Variants in RBFOX1 observed in about 807,000 individuals in gnomAD.
RBFOX1 encodes the protein RNA binding protein fox-1 homolog 1.
A neutral mutation model predicts 57.7 loss-of-function variants in RBFOX1; 8 were observed. The observed-to-expected ratio is 0.14, with a 90% CI of 0.08 to 0.25. RBFOX1 has a LOEUF of 0.25. Among genes scored for constraint, RBFOX1 ranks in the 10% least tolerant of loss-of-function variants. RBFOX1 has a pLI of 1.00. For synonymous variants in RBFOX1, 326 were observed against 222.4 expected (o/e 1.47, Z -4.15); for missense variants, 611 against 548.5 (o/e 1.11, Z -1.14).
chr16:7,261,957 G>T (rs985921384), intron 4 of RBFOX1, among the ~76,000 whole-genome samples: 2 of 152,130 alleles, frequency 1.3e-5, no homozygotes, highest in African/African-American at 4.8e-5. Flanking sequence ...GGGGTGGTAG[G>T]GTGGCTGTTG....
Position 6,991,057 on chromosome 16 carries a change from G to A in RBFOX1, c.-15-61000G>A, listed in dbSNP as rs146687793. 2.3e-4 allele frequency among the ~76,000 whole-genome samples: 34 copies of A among 147,752 alleles called. 1 individual carries two copies. Among genetic ancestry groups the A allele is most frequent in the Non-Finnish European group, 4.7e-4 (32 of 67,564 alleles). The stretch of plus-strand genomic sequence containing the variant: ...TGGCTCACACCTGTAATTCCAGTAC[G>A]TTGGGAGGCCAAGGTGGGTGGCCTG... On this transcript the variant is annotated intron_variant, in intron 3 of 15. Coordinates refer to ENST00000550418, the MANE Select transcript of RBFOX1 (RefSeq NM_018723.4).
intron 3 of RBFOX1, among the ~76,000 whole-genome samples, chr16:6,687,840 G>A (rs1257346759): frequency 1.3e-5 from 2 of 152,170 alleles, no homozygotes; most frequent in Non-Finnish European, 2.9e-5. Flanking sequence ...AACTCCAAAG[G>A]AGTCTGGGAA....
chr16:5,936,407 A>T (rs1451382451), intron 4 of RBFOX1, among the ~76,000 whole-genome samples: 1 of 152,184 alleles, frequency 6.6e-6, no homozygotes, highest in Non-Finnish European at 1.5e-5. Flanking sequence ...TACAAGTATG[A>T]GCCACTGCAC....
intron 3 of RBFOX1, among the ~76,000 whole-genome samples, chr16:5,739,337 C>T (rs931821723): frequency 2.0e-5 from 3 of 152,234 alleles, no homozygotes; most frequent in African/African-American, 7.2e-5. Flanking sequence ...TTCTGCGTAG[C>T]AGGCAGTACT....
chr16:5,995,306 A>G (rs13332277), intron 4 of RBFOX1, among the ~76,000 whole-genome samples: 113,028 of 152,044 alleles, frequency 0.74, 42,404 homozygotes, highest in East Asian at 0.83. Context: ...CTTAGAGCCC[A>G]AATCCACATA....
intron 2 of RBFOX1, among the ~76,000 whole-genome samples, chr16:6,564,554 C>G (rs949552776): frequency 1.3e-5 from 2 of 152,036 alleles, no homozygotes; most frequent in African/African-American, 4.8e-5. Flanking sequence ...CACAGAATGA[C>G]AAATACCGCA....
In RBFOX1 at chr16:5,773,164, A is replaced by C. The variant is rs572450885; in HGVS notation, c.319-94139A>C. ...GGTTCAGTGGCTCAACTCCAGTGCT[A>C]TGCTGAAGGTAGACTTCAGGGGATA... On this transcript the variant is annotated intron_variant, in intron 3 of 19. Transcript: ENST00000641259. Among the ~76,000 whole-genome samples the C allele has an allele frequency of 2.0e-5, 3 of 152,326 alleles. No individual in the cohort carries two copies. The East Asian group carries it at 5.8e-4, about 29-fold the overall frequency.
chr16:6,840,399 A>G (rs1028326139), intron 3 of RBFOX1, among the ~76,000 whole-genome samples: 11 of 152,206 alleles, frequency 7.2e-5, no homozygotes, highest in Non-Finnish European at 1.5e-4. Flanking sequence ...CCATTCCTTC[A>G]TTAAATGTTG....
At chr16:6,189,276 A>G (rs893423921) in intron 1 of RBFOX1, among the ~76,000 whole-genome samples, 5 of 152,226 alleles carry the variant, frequency 3.3e-5, no homozygotes, top group African/African-American at 1.2e-4. Flanking sequence ...AGAGCTTACC[A>G]AAGGACTGGA....
intron 3 of RBFOX1, among the ~76,000 whole-genome samples, chr16:6,840,474 T>C (rs886202895): frequency 4.6e-5 from 7 of 152,192 alleles, no homozygotes; most frequent in Non-Finnish European, 8.8e-5. Flanking sequence ...TGAATGTTCA[T>C]GTCCCCCTAA....
In RBFOX1 at chr16:5,829,838, C is replaced by A. The variant is rs183711489; in HGVS notation, c.319-37465C>A. Among the ~76,000 whole-genome samples the A allele has an allele frequency of 1.3e-4, 20 of 152,302 alleles. No homozygotes were observed. The East Asian group carries it at 3.9e-3, about 29-fold the overall frequency. On this transcript the variant is annotated intron_variant, in intron 3 of 19. Coordinates refer to the RBFOX1 transcript ENST00000641259. ...GAGAAATTAGAACCTTTTGGAAAAG[C>A]CCTCAGTCATTCAGAAGGGAAACAA...
chr16:6,509,249 T>C (rs1044801708), intron 2 of RBFOX1, among the ~76,000 whole-genome samples: 1 of 152,194 alleles, frequency 6.6e-6, no homozygotes, highest in Admixed American at 6.5e-5. Flanking sequence ...ATTTTTTTCC[T>C]ATGCGGTTAT....
At chr16:5,916,891 C>G (rs76617574) in intron 4 of RBFOX1, among the ~76,000 whole-genome samples, 5 of 152,110 alleles carry the variant, frequency 3.3e-5, no homozygotes, top group Non-Finnish European at 5.9e-5. Flanking sequence ...TTTCCCAATG[C>G]CTGGGTGACT....
intron 2 of RBFOX1, among the ~76,000 whole-genome samples, chr16:6,503,080 T>C (rs1488810071): frequency 6.6e-6 from 1 of 152,228 alleles, no homozygotes; most frequent in Non-Finnish European, 1.5e-5. Context: ...GATGCATGGA[T>C]ATATTCTCAA....
chr16:5,532,335 C>G (rs943255918), intron 2 of RBFOX1, among the ~76,000 whole-genome samples: 7 of 152,172 alleles, frequency 4.6e-5, no homozygotes, highest in African/African-American at 1.7e-4. Context: ...AACCATTGTT[C>G]TAGATAATAA....
chr16:7,679,075 A>T (rs1156279997), intron 14 of RBFOX1, among the ~76,000 whole-genome samples: 1 of 152,176 alleles, frequency 6.6e-6, no homozygotes, highest in South Asian at 2.1e-4. Flanking sequence ...GCCACATGGT[A>T]TTATTCATTG....
intron 3 of RBFOX1, among the ~76,000 whole-genome samples, chr16:6,873,069 C>A (rs745557122): frequency 2.6e-5 from 4 of 151,284 alleles, no homozygotes; most frequent in Admixed American, 6.6e-5. Context: ...CAAAGCCACC[C>A]AAACTTCTGA....
At chr16:6,002,520 G>C (rs1375826871) in intron 4 of RBFOX1, among the ~76,000 whole-genome samples, 1 of 152,158 alleles carries the variant, frequency 6.6e-6, no homozygotes, top group Non-Finnish European at 1.5e-5. Context: ...CCATGAGTTT[G>C]AATGAAAGGT....
In RBFOX1 at chr16:5,946,746, G is replaced by A. The variant is rs1328590779; in HGVS notation, c.351+79411G>A. Among the ~76,000 whole-genome samples, 3 of 152,150 alleles carry A rather than the reference G, an allele frequency of 2.0e-5. No individual in the cohort carries two copies. The highest frequency in any genetic ancestry group is 1.9e-4 in the East Asian group (1 of 5,190). On this transcript the variant is annotated intron_variant, in intron 4 of 19. Transcript: ENST00000641259. This position sits in a 1 kb window ranked among gnomAD's most constrained non-coding sequence, Gnocchi z 4.6. ...GAAGTGGGGCCAGTCTTGTGGGACT[G>A]GGCCCTCAACCTGTGGAATCTGATT...
Sources: allele counts gnomAD v4.1 joint callset (sites outside exome capture counted in the v4.1 genomes callset), GRCh38; gene constraint gnomAD v4.1.1; non-coding constraint Gnocchi (gnomAD v3.1); transcripts MANE v1.5; gene names NCBI Gene and HGNC (gene_info 2026-07-23, HGNC 2026-07-21).